The following MICAL2 variants were observed in gnomAD, a reference collection of about 807,000 sequenced individuals.
The protein encoded by MICAL2 is microtubule associated monooxygenase, calponin and LIM domain containing 2, also known as [F-actin]-monooxygenase MICAL2.
A neutral mutation model predicts 127.3 loss-of-function variants in MICAL2; 77 were observed. The observed-to-expected ratio is 0.60, with a 90% CI of 0.50 to 0.73. The LOEUF (loss-of-function observed/expected upper bound fraction) is 0.73, where lower values mean the gene tolerates loss of function less well. MICAL2 is among the 30% of genes least tolerant of loss of function. The pLI, the probability that MICAL2 is intolerant of heterozygous loss-of-function variation, is 0.00. For missense variants in MICAL2, 1,351 were observed against 1,434.4 expected (o/e 0.94, Z 0.94); for synonymous variants, 570 against 551.1 (o/e 1.03, Z -0.48).
rs751056511 is a variant in MICAL2 at position 12,226,173 on chromosome 11, A to C, written c.1691A>C (p.Asn564Thr). 1.9e-6 allele frequency: 3 copies of C among 1,614,146 alleles called. No homozygotes were observed. In the East Asian group the frequency reaches 6.7e-5, roughly 36 times the overall value. Residue 564 changes from asparagine (N) to threonine (T), a missense_variant and splice_region_variant, in exon 14 of 28, where the codon AAC becomes ACC. By Grantham distance (65) the Asn-to-Thr change is moderately conservative. Around this residue, in one of 2 missense-constraint regions of MICAL2, gnomAD observed 752 missense variants for 719.4 expected, o/e 1.05. Coordinates refer to ENST00000683283, the MANE Select transcript of MICAL2 (RefSeq NM_001282663.2). ...TCTGCTTTGTTTTGATTCTCTAGCA[A>C]CTTTGACTCTTTGAATGAAGATGAT... ...IIHRFRPELI[N>T]FDSLNEDDAV...
intron 32 of MICAL2, among the ~76,000 whole-genome samples, chr11:12,344,568 G>C (rs1330076238): frequency 2.0e-5 from 3 of 148,528 alleles, no homozygotes; most frequent in African/African-American, 7.3e-5. Flanking sequence ...TGGTGCAATC[G>C]GGGTTCACTG....
At chr11:12,354,055 C>A (rs898989610) in intron 33 of MICAL2, among the ~76,000 whole-genome samples, 4 of 152,212 alleles carry the variant, frequency 2.6e-5, no homozygotes, top group African/African-American at 9.6e-5. Flanking sequence ...GTCTGGATGG[C>A]CTTCCAAAGC....
chr11:12,313,167 CAAAAAA>C (rs61207104), intron 29 of MICAL2, among the ~76,000 whole-genome samples: 2 of 69,286 alleles, frequency 2.9e-5, no homozygotes, highest in African/African-American at 1.2e-4. Flanking sequence ...GACTACATCT[CAAAAAA>C]AAAAAAAAAA....
At chr11:12,266,385 C>A (rs1367785676), downstream of MICAL2, among the ~76,000 whole-genome samples, 1 of 152,066 alleles carries the variant, frequency 6.6e-6, no homozygotes, top group African/African-American at 2.4e-5. Flanking sequence ...GTCGGTCAAG[C>A]AGAGTGGGTG....
At chr11:12,310,252 A>G (rs1327465522) in intron 29 of MICAL2, among the ~76,000 whole-genome samples, 3 of 152,120 alleles carry the variant, frequency 2.0e-5, no homozygotes, top group Admixed American at 6.5e-5. Flanking sequence ...ATCTTTGCCC[A>G]GACCAATGTC....
chr11:12,198,423 C>CA (rs1250354232), intron 3 of MICAL2, among the ~76,000 whole-genome samples: 3 of 152,190 alleles, frequency 2.0e-5, no homozygotes, highest in African/African-American at 7.2e-5. Flanking sequence ...GTCCCTATTG[C>CA]AAGCCCTCCC....
chr11:12,149,906 C>T (rs1853387505), intron 2 of MICAL2, among the ~76,000 whole-genome samples: 1 of 152,110 alleles, frequency 6.6e-6, no homozygotes, highest in African/African-American at 2.4e-5. Context: ...AAGACCAGAA[C>T]CTTCATTTTC....
At chr11:12,308,978 AATC>A (rs1451375937) in intron 29 of MICAL2, among the ~76,000 whole-genome samples, 1 of 152,226 alleles carries the variant, frequency 6.6e-6, no homozygotes, top group African/African-American at 2.4e-5. Flanking sequence ...TCTGTTGGAT[AATC>A]ATATGCTTTT....
At chr11:12,360,188 ACCTACCTG>A (rs56132279), downstream of MICAL2, among the ~76,000 whole-genome samples, 109,466 of 150,912 alleles carry the variant, frequency 0.73, 44,143 homozygotes, top group East Asian at 0.94. Context: ...GGAGGCACCT[ACCTACCTG>A]CCTACCTATG....
chr11:12,132,958 G>T (rs1248123935), intron 1 of MICAL2, among the ~76,000 whole-genome samples: 1 of 152,230 alleles, frequency 6.6e-6, no homozygotes, highest in Non-Finnish European at 1.5e-5. Flanking sequence ...GAAGGCGCTT[G>T]CCTGTGCTCA....
At chr11:12,155,079 C>T (rs1177457257) in intron 2 of MICAL2, among the ~76,000 whole-genome samples, 2 of 152,106 alleles carry the variant, frequency 1.3e-5, no homozygotes, top group Non-Finnish European at 2.9e-5. Context: ...CTGTCAGTGT[C>T]CTCACATGGG....
chr11:12,283,313 T>C (rs1243046490), intron 2 of MICAL2, among the ~76,000 whole-genome samples: 1 of 143,770 alleles, frequency 7.0e-6, no homozygotes, highest in Non-Finnish European at 1.5e-5. Context: ...GATATTGCTT[T>C]GAAAAGACTC....
At chr11:12,241,788 G>A (rs1432243813) in intron 18 of MICAL2, among the ~76,000 whole-genome samples, 1 of 152,164 alleles carries the variant, frequency 6.6e-6, no homozygotes, top group Non-Finnish European at 1.5e-5. Flanking sequence ...GAGTAAGGTC[G>A]GTGTGACTAC....
intron 26 of MICAL2, chr11:12,260,394 T>A: frequency 7.9e-7 from 1 of 1,263,326 alleles, no homozygotes; most frequent in Admixed American, 3.9e-5. Context: ...TTTCTATAGC[T>A]TTGTGAGCCA....
intron 1 of MICAL2, among the ~76,000 whole-genome samples, chr11:12,118,571 C>CT (rs1850237835): frequency 6.6e-6 from 1 of 152,180 alleles, no homozygotes; most frequent in South Asian, 2.1e-4. Flanking sequence ...CAGCTCTCTC[C>CT]TTTAGGAGTC....
At chr11:12,261,873 C>G in intron 26 of MICAL2, 1 of 985,890 alleles carries the variant, frequency 1.0e-6, no homozygotes, top group Non-Finnish European at 1.2e-6. Context: ...GTGGGAGGAA[C>G]CCTTGATTCC....
chr11:12,171,242 A>G (rs1043710362), intron 3 of MICAL2, among the ~76,000 whole-genome samples: 2 of 151,588 alleles, frequency 1.3e-5, no homozygotes, highest in African/African-American at 4.9e-5. Flanking sequence ...AAAAAAGAAA[A>G]CCCTCTTGCA....
At chr11:12,323,258 A>G (rs16911106) in intron 30 of MICAL2, among the ~76,000 whole-genome samples, 4,650 of 152,326 alleles carry the variant, frequency 0.031, 169 homozygotes, top group Admixed American at 0.1. Flanking sequence ...ACCCAGTGAC[A>G]GTAATGCTAT....
chr11:12,183,675 T>C (rs1312534982), intron 3 of MICAL2, among the ~76,000 whole-genome samples: 1 of 152,228 alleles, frequency 6.6e-6, no homozygotes, highest in Non-Finnish European at 1.5e-5. Context: ...CTTGAAGCTC[T>C]TATTTCTTCA....
Sources: allele counts gnomAD v4.1 joint callset (sites outside exome capture counted in the v4.1 genomes callset), GRCh38; gene constraint gnomAD v4.1.1; regional missense constraint gnomAD v4.1.1; transcripts MANE v1.5; gene names NCBI Gene and HGNC (gene_info 2026-07-23, HGNC 2026-07-21).